GBF1: variants seen among roughly 807,000 people sequenced by gnomAD.
GBF1 encodes golgi brefeldin A resistant guanine nucleotide exchange factor 1, also known as Golgi-specific brefeldin A-resistance guanine nucleotide exchange factor 1.
Under a neutral mutation model 210.5 loss-of-function variants are expected in GBF1, and 114 were observed. The observed-to-expected ratio is 0.54, with a 90% CI of 0.47 to 0.63. The LOEUF is 0.63. Among genes scored for constraint, GBF1 ranks in the 30% least tolerant of loss-of-function variants. The probability of loss-of-function intolerance (pLI) is 0.00; values close to 1 mark genes in which losing one functional copy is unlikely to be tolerated. For missense variants in GBF1, 1,851 were observed against 2,357.7 expected (o/e 0.79, Z 4.45); for synonymous variants, 850 against 889.2 (o/e 0.96, Z 0.78).
At chr10:102,258,834 C>A in intron 1 of GBF1, 95 bp from the exon 2 acceptor site, 18 of 510,940 alleles carry the variant, frequency 3.5e-5, no homozygotes, top group Non-Finnish European at 5.2e-5. Flanking sequence ...AAAGTTAAAT[C>A]ACAATTCTAA....
At chr10:102,319,018 T>G (rs1303156072) in intron 3 of GBF1, among the ~76,000 whole-genome samples, 1 of 152,034 alleles carries the variant, frequency 6.6e-6, no homozygotes, top group East Asian at 1.9e-4. Context: ...GGCCAGAAGT[T>G]CAAGACTAGC....
At chr10:102,238,996 C>T in the GBF1 span, among the ~76,000 whole-genome samples, 1 of 152,226 alleles carries the variant, frequency 6.6e-6, no homozygotes, top group Non-Finnish European at 1.5e-5. Flanking sequence ...GCTTGCATCA[C>T]TCCAGTTCTA....
rs1250224459 is a variant in GBF1, at chr10:102,363,972, C to A, written c.2106+174C>A. ...TCCCATTTGAAGCCCTTCCCTTACT[C>A]CTAAGCTATGTAGTTGAGCATACCC... On this transcript the variant is annotated intron_variant, in intron 17 of 39. Coordinates refer to ENST00000369983, the MANE Select transcript of GBF1 (RefSeq NM_001377137.1). The surrounding 1 kb of genome is among the most constrained non-coding windows in gnomAD (Gnocchi z 4.2). 1.3e-5 allele frequency among the ~76,000 whole-genome samples: 2 copies of A among 152,074 alleles called. No individual in the cohort carries two copies. The highest frequency in any genetic ancestry group is 2.4e-5 in the African/African-American group (1 of 41,380).
Position 102,258,965 on chromosome 10 carries a change from T to G in GBF1, c.27T>G (p.Ile9Met), listed in dbSNP as rs1290560213. The change falls in exon 2 of 40, where the codon ATT (isoleucine) becomes ATG (methionine). Residue 9 changes from isoleucine (I) to methionine (M), a missense_variant. Around this residue, in one of 3 missense-constraint regions of GBF1, gnomAD observed 804 missense variants for 958.6 expected, o/e 0.84. Transcript: ENST00000369983. The stretch of plus-strand genomic sequence containing the variant: ...TGGTGGATAAGAATATTTACATCAT[T>G]CAAGGGGAGATTAACATTGTGGTTG... The part of the protein sequence containing the change: MVDKNIYI[I>M]QGEINIVVGA... The G allele has an allele frequency of 2.5e-6, 4 of 1,604,044 alleles. No homozygotes were observed. The highest frequency in any genetic ancestry group is 3.4e-6 in the Non-Finnish European group (4 of 1,170,812).
chr10:102,260,539 A>T (rs1474651541), intron 3 of GBF1, among the ~76,000 whole-genome samples: 1 of 122,018 alleles, frequency 8.2e-6, no homozygotes, highest in Admixed American at 1.1e-4. Context: ...GTGCAGTGTC[A>T]TGAACTCAGC....
At chr10:102,305,175 TTGTGTGTG>T (rs60026956) in intron 3 of GBF1, among the ~76,000 whole-genome samples, 1,419 of 139,700 alleles carry the variant, frequency 0.01, 16 homozygotes, top group South Asian at 0.039. Flanking sequence ...ATATGCAGAT[TTGTGTGTG>T]TGTGTGTGTG....
chr10:102,287,355 T>C (rs1268876211), intron 3 of GBF1, among the ~76,000 whole-genome samples: 5 of 134,690 alleles, frequency 3.7e-5, no homozygotes, highest in Non-Finnish European at 6.4e-5. Context: ...TTTTTTTTTT[T>C]TTTTTTTTTT....
chr10:102,232,124 A>G, the GBF1 span: 3 of 1,245,234 alleles, frequency 2.4e-6, no homozygotes, highest in Non-Finnish European at 3.5e-6. Flanking sequence ...GACCAGGGTA[A>G]TGGGGGTAAA....
At chr10:102,376,913 A>G (rs1170249109) in intron 32 of GBF1, 22 bp from the exon 33 acceptor site, 1 of 1,612,222 alleles carries the variant, frequency 6.2e-7, no homozygotes, top group South Asian at 1.1e-5. Flanking sequence ...CAGAAATGTG[A>G]CCTGAGTCTG....
In GBF1 at chr10:102,352,451, T is replaced by C. The variant is rs116123526; in HGVS notation, c.524-7T>C. 3,081 of 1,600,054 alleles carry C rather than the reference T, an allele frequency of 1.9e-3. 51 individuals are homozygous for C. In the African/African-American group the frequency reaches 0.037, roughly 19 times the overall value. ...GACACCTGTGTTATTTGTTTTTGCC[T>C]GTGCAGAGTTATTGAGAAAATCCGC... On this transcript the variant is annotated splice_region_variant and splice_polypyrimidine_tract_variant and intron_variant, in intron 6 of 39. Transcript: ENST00000369983.
At chr10:102,354,913 C>CTT (rs5787452) in intron 8 of GBF1, among the ~76,000 whole-genome samples, 5 of 133,000 alleles carry the variant, frequency 3.8e-5, no homozygotes, top group East Asian at 2.2e-4. Context: ...TAGTTGGGAT[C>CTT]TTTTTTTTTT....
At chr10:102,236,319 G>A in the GBF1 span, among the ~76,000 whole-genome samples, 9 of 152,234 alleles carry the variant, frequency 5.9e-5, no homozygotes, top group Admixed American at 2.0e-4. Context: ...GTTGATGCTA[G>A]TAAGAAATGC....
chr10:102,239,250 T>C, the GBF1 span, among the ~76,000 whole-genome samples: 1 of 152,258 alleles, frequency 6.6e-6, no homozygotes, highest in Non-Finnish European at 1.5e-5. Context: ...CAAGGCTTTA[T>C]GCAAGGGTGG....
intron 18 of GBF1, among the ~76,000 whole-genome samples, chr10:102,365,873 T>G (rs2059886713): frequency 6.7e-6 from 1 of 149,180 alleles, no homozygotes; most frequent in African/African-American, 2.6e-5. Flanking sequence ...ATCATGCCAC[T>G]GTGATAGAGT....
At chr10:102,231,876 CTCCCACCGGGGCTGCCCAGCCGGGG>C in the GBF1 span, 7 of 1,569,204 alleles carry the variant, frequency 4.5e-6, no homozygotes, top group South Asian at 5.5e-5. Flanking sequence ...CACTCGCTGG[CTCCCACCGGGGCTGCCCAGCCGGGG>C]TCCCACCCGC....
intron 36 of GBF1, 45 bp from the exon 37 acceptor site, chr10:102,380,204 A>G (rs755119179): frequency 7.7e-7 from 1 of 1,302,132 alleles, no homozygotes; most frequent in South Asian, 1.2e-5. Flanking sequence ...AGGGGTCCAG[A>G]GGCTCCTACA....
chr10:102,351,043 C>T (rs1465917029), intron 4 of GBF1, among the ~76,000 whole-genome samples: 1 of 149,470 alleles, frequency 6.7e-6, no homozygotes, highest in Non-Finnish European at 1.5e-5. Flanking sequence ...GCTGAGATCA[C>T]GTCATTGCAC....
intron 3 of GBF1, among the ~76,000 whole-genome samples, chr10:102,332,453 G>A (rs996205201): frequency 6.6e-6 from 1 of 150,726 alleles, no homozygotes; most frequent in Non-Finnish European, 1.5e-5. Flanking sequence ...TTATGATCTC[G>A]GCTAACTGCA....
chr10:102,376,254 T>G lies in GBF1; in HGVS notation c.3887-18T>G. 2.5e-6 allele frequency: 4 copies of G among 1,611,544 alleles called. No individual in the cohort carries two copies. Among genetic ancestry groups the G allele is most frequent in the Non-Finnish European group, 3.4e-6 (4 of 1,177,896 alleles). The stretch of plus-strand genomic sequence containing the variant: ...CCCATCCCCACCCTGACTCTGCCCT[T>G]CTCCCTGCCTACCATAGGGGCCCAG... On this transcript the variant is annotated intron_variant, in intron 30 of 39. Transcript: ENST00000369983.
Sources: allele counts gnomAD v4.1 joint callset (sites outside exome capture counted in the v4.1 genomes callset), GRCh38; gene constraint gnomAD v4.1.1; regional missense constraint gnomAD v4.1.1; non-coding constraint Gnocchi (gnomAD v3.1); transcripts MANE v1.5; gene names NCBI Gene and HGNC (gene_info 2026-07-23, HGNC 2026-07-21).